AFDN: variants seen among roughly 807,000 people sequenced by gnomAD.
AFDN encodes the protein afadin, adherens junction formation factor.
Under a neutral mutation model 216.6 loss-of-function variants are expected in AFDN, and 68 were observed. The ratio of observed to expected loss-of-function variants is 0.31; its 90% CI spans 0.26 to 0.38. The LOEUF is 0.38. Among genes scored for constraint, AFDN ranks in the 10% least tolerant of loss-of-function variants. The pLI, the probability that AFDN is intolerant of heterozygous loss-of-function variation, is 1.00. For missense variants in AFDN, 2,136 were observed against 2,342.0 expected (o/e 0.91, Z 1.82); for synonymous variants, 868 against 853.7 (o/e 1.02, Z -0.29).
chr6:167,863,938 A>AGTAC, intron 1 of AFDN: 4 of 362,292 alleles, frequency 1.1e-5, no homozygotes, highest in South Asian at 2.2e-5. Flanking sequence ...AAAACCCACA[A>AGTAC]TTTTGCACCA....
chr6:167,898,606 ATTG>A, intron 11 of AFDN, 139 bp downstream of exon 11: 2 of 1,024,056 alleles, frequency 2.0e-6, no homozygotes, highest in Non-Finnish European at 1.4e-6. Context: ...TTTGGTTCCT[ATTG>A]TTAACTTGGG....
Position 167,936,106 on chromosome 6 carries a change from A to G in AFDN, c.3100-7023A>G, listed in dbSNP as rs115273306. Reference sequence around the variant, plus strand: ...CATGCAGTCAATATAAAAATCATCAATGAGATAGTTCACATTCTTTTTTCC... The same window carrying G: ...CATGCAGTCAATATAAAAATCATCAGTGAGATAGTTCACATTCTTTTTTCC... On this transcript the variant is annotated intron_variant, in intron 23 of 33. Coordinates refer to ENST00000683244, the MANE Select transcript of AFDN (RefSeq NM_001386888.1). Among the ~76,000 whole-genome samples, 1,466 of 152,346 alleles carry G rather than the reference A, an allele frequency of 9.6e-3. 24 individuals are homozygous for G. The highest frequency in any genetic ancestry group is 0.033 in the African/African-American group (1,384 of 41,574).
At chr6:167,855,697 A>G (rs1164876804) in intron 1 of AFDN, among the ~76,000 whole-genome samples, 2 of 152,130 alleles carry the variant, frequency 1.3e-5, no homozygotes, top group East Asian at 3.8e-4. Flanking sequence ...TAACATCAGG[A>G]ATTTTAGACT....
intron 11 of AFDN, 66 bp downstream of exon 11, chr6:167,898,533 A>G: frequency 6.9e-7 from 1 of 1,442,390 alleles, no homozygotes; most frequent in East Asian, 2.4e-5. Context: ...GATTATTCAT[A>G]GATATCTTGG....
At chr6:167,848,346 A>ACTCTT (rs1334545936) in intron 1 of AFDN, among the ~76,000 whole-genome samples, 1 of 152,210 alleles carries the variant, frequency 6.6e-6, no homozygotes, top group East Asian at 1.9e-4. Context: ...AGGAATTAAG[A>ACTCTT]GTTACAGACA....
At chr6:167,959,108 C>T (rs1796798130) in intron 30 of AFDN, among the ~76,000 whole-genome samples, 1 of 152,216 alleles carries the variant, frequency 6.6e-6, no homozygotes. Context: ...TGTTGTAGGC[C>T]TCTTTGAGCC....
At chr6:167,911,510 C>G (rs751172118) in intron 15 of AFDN, 21 bp downstream of exon 15, 4 of 1,608,868 alleles carry the variant, frequency 2.5e-6, no homozygotes, top group Non-Finnish European at 3.4e-6. Flanking sequence ...GCCGGCCAGC[C>G]ATGCTCCTCC....
At chr6:167,911,061 T>C (rs200620448) in intron 13 of AFDN, 40 bp from the exon 14 acceptor site, 41 of 1,564,190 alleles carry the variant, frequency 2.6e-5, no homozygotes, top group East Asian at 2.2e-5. Context: ...TTGTTAGCCA[T>C]GTGACCTTAT....
intron 11 of AFDN, among the ~76,000 whole-genome samples, chr6:167,900,137 A>G (rs1788757209): frequency 6.6e-6 from 1 of 152,226 alleles, no homozygotes; most frequent in African/African-American, 2.4e-5. Context: ...TTTCTGGCAA[A>G]TCTGGTAAAA....
At chr6:167,836,148 A>G (rs1346677542) in intron 1 of AFDN, among the ~76,000 whole-genome samples, 1 of 152,218 alleles carries the variant, frequency 6.6e-6, no homozygotes, top group Non-Finnish European at 1.5e-5. Flanking sequence ...ATGACCATCA[A>G]GTTTTATTAC....
intron 23 of AFDN, among the ~76,000 whole-genome samples, chr6:167,927,876 T>C (rs1248863829): frequency 1.3e-5 from 2 of 152,224 alleles, no homozygotes; most frequent in Non-Finnish European, 2.9e-5. Flanking sequence ...GTTTTCTCTT[T>C]GCTTACCGAC....
At chr6:167,856,663 T>C (rs755829447) in intron 1 of AFDN, among the ~76,000 whole-genome samples, 15 of 152,116 alleles carry the variant, frequency 9.9e-5, no homozygotes, top group Admixed American at 2.0e-4. Context: ...TGCTAGGTGC[T>C]TTTGTGCATA....
chr6:167,929,969 C>T (rs959372277), intron 23 of AFDN, among the ~76,000 whole-genome samples: 3 of 152,022 alleles, frequency 2.0e-5, no homozygotes, highest in South Asian at 2.1e-4. Flanking sequence ...GGGTTTAGGC[C>T]GAGGCAGGAG....
chr6:167,914,127 G>T (rs1348861715), intron 16 of AFDN, 41 bp from the exon 17 acceptor site: 1 of 1,605,396 alleles, frequency 6.2e-7, no homozygotes, highest in East Asian at 2.2e-5. Context: ...TATTACTTTT[G>T]TTTATTCTCT....
At position 167,946,820 on chromosome 6, in the gene AFDN, T is replaced by C. The variant is rs1219424299; in HGVS notation, c.3472T>C (p.Tyr1158His). ...GAGTCCTCAGCTGCCTTGGGCAGAA[T>C]ATAGTGAACCAAAGAAATTGCCTGG... ...PESPQLPWAE[Y>H]SEPKKLPGDD... Residue 1158 changes from tyrosine to histidine, a missense_variant, in exon 27 of 34, where the codon TAT (tyrosine) becomes CAT (histidine). Coordinates refer to ENST00000683244, the MANE Select transcript of AFDN (RefSeq NM_001386888.1). 5.0e-6 allele frequency: 8 copies of C among 1,612,978 alleles called. No individual in the cohort carries two copies. The highest frequency in any genetic ancestry group is 5.9e-6 in the Non-Finnish European group (7 of 1,179,758).
At chr6:167,834,079 TG>T (rs1780126137) in intron 1 of AFDN, among the ~76,000 whole-genome samples, 1 of 152,192 alleles carries the variant, frequency 6.6e-6, no homozygotes, top group Non-Finnish European at 1.5e-5. Flanking sequence ...TTAATTTCAT[TG>T]GGAAAAACTT....
In AFDN at chr6:167,855,978, A is replaced by T. The variant is rs1430187994; in HGVS notation, c.106-8573A>T. Among the ~76,000 whole-genome samples, 15 of 152,286 alleles carry T rather than the reference A, an allele frequency of 9.8e-5. No homozygotes were observed. The South Asian group carries it at 3.1e-3, about 32-fold the overall frequency. ...AACATACGAAATGGAAAATCCAAAA[A>T]TAAACAACTAATATGTTTCGAATTG... On this transcript the variant is annotated intron_variant, in intron 1 of 33. Coordinates refer to ENST00000683244, the MANE Select transcript of AFDN (RefSeq NM_001386888.1).
Position 167,845,079 on chromosome 6 carries a change from C to G in AFDN, c.105+17842C>G, listed in dbSNP as rs544242274. On this transcript the variant is annotated intron_variant, in intron 1 of 33. Coordinates refer to ENST00000683244, the MANE Select transcript of AFDN (RefSeq NM_001386888.1). Reference sequence around the variant, plus strand: ...GTCTCACTATGTTGCCCACACTGGTCTTGAACTCTTGGGCTCAAATGGTCT... The same window carrying G: ...GTCTCACTATGTTGCCCACACTGGTGTTGAACTCTTGGGCTCAAATGGTCT... Among the ~76,000 whole-genome samples the G allele has an allele frequency of 4.6e-5, 7 of 152,164 alleles. No homozygotes were observed. In the South Asian group the frequency reaches 1.5e-3, roughly 32 times the overall value.
chr6:167,953,382 C>G (rs1424287435), intron 30 of AFDN, among the ~76,000 whole-genome samples: 1 of 152,090 alleles, frequency 6.6e-6, no homozygotes, highest in Non-Finnish European at 1.5e-5. Flanking sequence ...GTGAATTTTT[C>G]CTGAAAAGTC....
Sources: allele counts gnomAD v4.1 joint callset (sites outside exome capture counted in the v4.1 genomes callset), GRCh38; gene constraint gnomAD v4.1.1; transcripts MANE v1.5; gene names NCBI Gene and HGNC (gene_info 2026-07-23, HGNC 2026-07-21).